The following UBE3B variants were observed in gnomAD, a reference collection of about 807,000 sequenced individuals.
UBE3B encodes ubiquitin protein ligase E3B.
UBE3B carries 80 observed loss-of-function variants against 132.3 expected under a neutral mutation model. The observed-to-expected ratio is 0.60, with a 90% CI of 0.50 to 0.73. The LOEUF is 0.73. Among genes scored for constraint, UBE3B ranks in the 30% least tolerant of loss-of-function variants. The pLI is 0.00. For missense variants in UBE3B, 1,196 were observed against 1,362.5 expected (o/e 0.88, Z 1.92); for synonymous variants, 487 against 520.4 (o/e 0.94, Z 0.87).
At chr12:109,519,716 C>T (rs1237396626) in intron 19 of UBE3B, 2 of 152,226 alleles carry the variant, frequency 1.3e-5, no homozygotes, top group African/African-American at 2.4e-5. Flanking sequence ...TGCCTGTTGA[C>T]TTCCTGTTTC....
rs752095625 is a variant in UBE3B at position 109,524,011 on chromosome 12, T to C, written c.2398T>C (p.Phe800Leu). Residue 800 changes from phenylalanine (F) to leucine (L), a missense_variant, in exon 22 of 28, where the codon TTC becomes CTC. Transcript: ENST00000342494. ...IVVDVPFASF[F>L]LSQLLGHHHS... is the part of the protein sequence containing the mutation. Reference sequence around the variant, plus strand: ...GGTGGACGTGCCATTTGCATCCTTCTTCCTGAGCCAACTGCTTGGGCACCA... The same window carrying C: ...GGTGGACGTGCCATTTGCATCCTTCCTCCTGAGCCAACTGCTTGGGCACCA... 1.9e-6 allele frequency: 3 copies of C among 1,614,192 alleles called. No individual in the cohort carries two copies. Among genetic ancestry groups the C allele is most frequent in the Non-Finnish European group, 2.5e-6 (3 of 1,180,038 alleles).
chr12:109,487,676 T>C (rs773398244), intron 6 of UBE3B, among the ~76,000 whole-genome samples: 5 of 152,158 alleles, frequency 3.3e-5, no homozygotes, highest in Admixed American at 1.3e-4. Context: ...GATTGCTCTT[T>C]GAGGAGAAGC....
the UBE3B span, among the ~76,000 whole-genome samples, chr12:109,545,754 C>T: frequency 6.6e-6 from 1 of 152,154 alleles, no homozygotes; most frequent in Admixed American, 6.5e-5. Flanking sequence ...TTACCCTTGC[C>T]GGGGATGCTG....
intron 9 of UBE3B, among the ~76,000 whole-genome samples, chr12:109,496,665 T>C (rs539880286): frequency 6.6e-6 from 1 of 152,376 alleles, no homozygotes; most frequent in South Asian, 2.1e-4. Context: ...CATGTGCTTA[T>C]TAACCATTTG....
chr12:109,503,130 T>C lies in UBE3B; in HGVS notation c.1390T>C (p.Cys464Arg), dbSNP rs1879203992. The change falls in exon 14 of 28, where the codon TGT becomes CGT. Residue 464 changes from cysteine (C) to arginine (R), a missense_variant. Cys to Arg is a radical substitution (Grantham distance 180). Coordinates refer to ENST00000342494, the MANE Select transcript of UBE3B (RefSeq NM_130466.4). ...SAEVQKVCNI[C>R]VLYQTSLTTL... ...AGAAGTCCAGAAGGTTTGCAACATC[T>C]GTGTCCTCTACCAGACCTCGCTGAC... 1 of 1,614,140 alleles carries C rather than the reference T, an allele frequency of 6.2e-7. No homozygotes were observed. The highest frequency in any genetic ancestry group is 8.5e-7 in the Non-Finnish European group (1 of 1,180,048).
chr12:109,520,758 C>A (rs73196284), intron 19 of UBE3B: 1 of 128,852 alleles, frequency 7.8e-6, no homozygotes, highest in Non-Finnish European at 1.7e-5. Context: ...TTTTTTTTTT[C>A]TTTTTTCTTT....
chr12:109,509,528 A>G, intron 15 of UBE3B, 68 bp from the exon 16 acceptor site: 1 of 918,012 alleles, frequency 1.1e-6, no homozygotes, highest in Admixed American at 2.4e-5. Flanking sequence ...TCTAGTAAGC[A>G]GTACAGATTT....
Position 109,497,840 on chromosome 12 carries a change from T to G in UBE3B, c.736T>G (p.Ser246Ala). ...TAGCCCTGTGATTGCTGCACAGTTC[T>G]CAGACAATCTGATTCGGCCGTTCCT... ...ALRPVIAAQF[S>A]DNLIRPFLIH... is the part of the protein sequence containing the mutation. Residue 246 changes from serine to alanine, a missense_variant, in exon 10 of 28, where the codon TCA becomes GCA. Ser to Ala is a moderately conservative substitution (Grantham distance 99, BLOSUM62 1). Transcript: ENST00000342494. 14 of 1,614,184 alleles carry G rather than the reference T, an allele frequency of 8.7e-6. No homozygotes were observed. Among genetic ancestry groups the G allele is most frequent in the Non-Finnish European group, 1.2e-5 (14 of 1,180,016 alleles).
At chr12:109,533,591 G>C (rs1883172064) in intron 27 of UBE3B, 33 bp downstream of exon 27, 4 of 1,567,448 alleles carry the variant, frequency 2.6e-6, no homozygotes, top group Non-Finnish European at 3.5e-6. Flanking sequence ...GAAGAGCCTT[G>C]ACTTCCCTCT....
At chr12:109,488,775 G>GCCTT in intron 7 of UBE3B, 107 bp downstream of exon 7, 1 of 975,646 alleles carries the variant, frequency 1.0e-6, no homozygotes, top group Non-Finnish European at 1.6e-6. Context: ...CTCAGGGAAG[G>GCCTT]CCCTGAGACC....
intron 4 of UBE3B, 45 bp downstream of exon 4, chr12:109,484,026 A>T: frequency 6.4e-7 from 1 of 1,556,800 alleles, no homozygotes; most frequent in Non-Finnish European, 8.7e-7. Flanking sequence ...CATATGTCAG[A>T]TCTTTTATAA....
chr12:109,515,928 T>G (rs1880979235), intron 18 of UBE3B, among the ~76,000 whole-genome samples: 1 of 152,124 alleles, frequency 6.6e-6, no homozygotes, highest in Non-Finnish European at 1.5e-5. Flanking sequence ...GTGGTGGGCT[T>G]GAAGGCACAG....
At chr12:109,498,642 A>G (rs1336404451) in intron 11 of UBE3B, among the ~76,000 whole-genome samples, 1 of 152,192 alleles carries the variant, frequency 6.6e-6, no homozygotes, top group Non-Finnish European at 1.5e-5. Context: ...TTGCCTGGAT[A>G]ATTCCCATCT....
chr12:109,485,333 C>G (rs11066856), intron 4 of UBE3B, among the ~76,000 whole-genome samples: 10,351 of 152,312 alleles, frequency 0.068, 572 homozygotes, highest in Non-Finnish European at 0.1. Flanking sequence ...CGGGCAAGAT[C>G]TCTACGCTCA....
downstream of UBE3B, among the ~76,000 whole-genome samples, chr12:109,541,699 C>G (rs1240739767): frequency 6.6e-6 from 1 of 152,216 alleles, no homozygotes; most frequent in South Asian, 2.1e-4. Flanking sequence ...TCGGACAGTT[C>G]TGGCCAGAAG....
At chr12:109,498,860 T>A (rs1308616107) in intron 11 of UBE3B, among the ~76,000 whole-genome samples, 1 of 151,856 alleles carries the variant, frequency 6.6e-6, no homozygotes, top group Non-Finnish European at 1.5e-5. Context: ...GGGTCTCACT[T>A]TGTCACCCAG....
chr12:109,526,576 TTAAA>T, intron 24 of UBE3B, 160 bp downstream of exon 24: 1 of 796,656 alleles, frequency 1.3e-6, no homozygotes, highest in Non-Finnish European at 2.0e-6. Context: ...CAGAATTGTA[TTAAA>T]TTCAATTTGC....
At chr12:109,516,075 T>C (rs1880997301) in intron 18 of UBE3B, among the ~76,000 whole-genome samples, 1 of 152,110 alleles carries the variant, frequency 6.6e-6, no homozygotes, top group African/African-American at 2.4e-5. Flanking sequence ...CAGGCACAGC[T>C]AGATAAAGAA....
chr12:109,490,474 C>G, intron 8 of UBE3B: 1 of 1,535,412 alleles, frequency 6.5e-7, no homozygotes, highest in Non-Finnish European at 8.7e-7. Context: ...TTGACTTTGC[C>G]CTTCCTTCTC....
Sources: gnomAD v4.1 joint callset for allele counts (sites outside exome capture counted in the v4.1 genomes callset) on GRCh38, gnomAD v4.1.1 for gene constraint, MANE v1.5 for transcripts, NCBI Gene and HGNC (gene_info 2026-07-23, HGNC 2026-07-21) for gene names.